The following AFF1 variants were observed in gnomAD, a reference collection of about 807,000 sequenced individuals.
The protein encoded by AFF1 is AF4/FMR2 family member 1.
A neutral mutation model predicts 121.7 loss-of-function variants in AFF1; 48 were observed. The observed-to-expected ratio is 0.39, with a 90% CI of 0.31 to 0.50. AFF1 has a LOEUF of 0.50. Ranked by LOEUF, AFF1 falls within the 20% of genes least tolerant of loss-of-function variation. The pLI is 0.76. For missense variants in AFF1, 1,523 were observed against 1,511.7 expected (o/e 1.01, Z -0.12); for synonymous variants, 613 against 563.0 (o/e 1.09, Z -1.26).
chr4:87,100,676 A>G (rs1238506661), intron 8 of AFF1, among the ~76,000 whole-genome samples: 2 of 152,212 alleles, frequency 1.3e-5, no homozygotes, highest in Non-Finnish European at 2.9e-5. Context: ...TGCCTGGCAC[A>G]TAGTAAGTGC....
chr4:87,127,138 T>C (rs1252975715), intron 15 of AFF1, 21 bp downstream of exon 15: 2 of 1,589,614 alleles, frequency 1.3e-6, no homozygotes, highest in South Asian at 1.1e-5. Context: ...AGATGATTTC[T>C]TCTTGCTCTG....
At chr4:86,984,298 A>G (rs900019134) in intron 2 of AFF1, among the ~76,000 whole-genome samples, 2 of 139,814 alleles carry the variant, frequency 1.4e-5, no homozygotes, top group African/African-American at 2.6e-5. Flanking sequence ...ATTTCAAGTG[A>G]CCCTTTTTTT....
chr4:86,989,674 G>A (rs1421962921), intron 2 of AFF1, among the ~76,000 whole-genome samples: 1 of 152,154 alleles, frequency 6.6e-6, no homozygotes, highest in East Asian at 1.9e-4. Context: ...CCCATTACTT[G>A]GGTATATACC....
chr4:87,128,565 A>G (rs1297209468), intron 16 of AFF1, among the ~76,000 whole-genome samples: 8 of 152,144 alleles, frequency 5.3e-5, no homozygotes, highest in African/African-American at 1.9e-4. Flanking sequence ...TTTTTGGTTC[A>G]CATGCAAACC....
intron 2 of AFF1, among the ~76,000 whole-genome samples, chr4:87,038,138 A>G (rs917266023): frequency 6.6e-6 from 1 of 152,246 alleles, no homozygotes; most frequent in Non-Finnish European, 1.5e-5. Context: ...TATTTTTAAT[A>G]TGAAATCAGA....
At chr4:87,107,953 A>G (rs2149751002) in intron 10 of AFF1, among the ~76,000 whole-genome samples, 1 of 152,278 alleles carries the variant, frequency 6.6e-6, no homozygotes, top group East Asian at 1.9e-4. Context: ...CTTCTCTTTT[A>G]TGCATTTATC....
chr4:86,995,625 C>T (rs1413366210), intron 2 of AFF1, among the ~76,000 whole-genome samples: 8 of 149,758 alleles, frequency 5.3e-5, no homozygotes, highest in Non-Finnish European at 1.0e-4. Flanking sequence ...TCAATGGTGC[C>T]CAGGCTGGAG....
intron 4 of AFF1, among the ~76,000 whole-genome samples, chr4:87,073,851 A>C (rs1205102115): frequency 6.6e-6 from 1 of 150,762 alleles, no homozygotes; most frequent in East Asian, 1.9e-4. Flanking sequence ...TTTGACAGAG[A>C]GCAGAAATAC....
chr4:86,976,648 A>G (rs181036136), intron 2 of AFF1, among the ~76,000 whole-genome samples: 3 of 152,306 alleles, frequency 2.0e-5, no homozygotes, highest in Non-Finnish European at 2.9e-5. Context: ...AAAATGACCT[A>G]ACATGTACTA....
At chr4:87,081,065 G>A (rs1723114449) in intron 4 of AFF1, among the ~76,000 whole-genome samples, 2 of 150,886 alleles carry the variant, frequency 1.3e-5, no homozygotes, top group Admixed American at 1.3e-4. Flanking sequence ...TAAAGCAAAT[G>A]TAAAATGCTA....
chr4:86,965,612 A>G (rs1722481295), intron 2 of AFF1, among the ~76,000 whole-genome samples: 4 of 152,214 alleles, frequency 2.6e-5, no homozygotes, highest in Admixed American at 2.6e-4. Context: ...GGCTCACAGA[A>G]AAAAAATAAT....
intron 2 of AFF1, among the ~76,000 whole-genome samples, chr4:87,022,586 ATCTATATCTATCTGTGTG>A (rs1199322575): frequency 1.1e-5 from 1 of 91,546 alleles, no homozygotes; most frequent in African/African-American, 5.8e-5. Flanking sequence ...ATATATATCT[ATCTATATCTATCTGTGTG>A]TATATATATC....
At chr4:87,069,419 C>G (rs1721744604) in intron 4 of AFF1, among the ~76,000 whole-genome samples, 1 of 149,428 alleles carries the variant, frequency 6.7e-6, no homozygotes, top group Non-Finnish European at 1.5e-5. Context: ...CTCCCTCCCT[C>G]CCTCTCCCCT....
At chr4:86,981,227 TG>T (rs1482667096) in intron 2 of AFF1, among the ~76,000 whole-genome samples, 2 of 152,090 alleles carry the variant, frequency 1.3e-5, no homozygotes, top group Admixed American at 1.3e-4. Flanking sequence ...TTAGCCAGGA[TG>T]GTCTCGATCT....
intron 4 of AFF1, among the ~76,000 whole-genome samples, chr4:87,068,063 C>G (rs1560593388): frequency 1.1e-5 from 1 of 89,290 alleles, no homozygotes; most frequent in East Asian, 3.2e-4. Flanking sequence ...ACTAAAGTGA[C>G]TGTTATGGGA....
chr4:87,116,350 G>A (rs1205818481), intron 12 of AFF1, among the ~76,000 whole-genome samples: 2 of 151,782 alleles, frequency 1.3e-5, no homozygotes, highest in African/African-American at 2.4e-5. Flanking sequence ...TTGAGTTCCT[G>A]TTCTGTTTGT....
intron 8 of AFF1, 83 bp downstream of exon 8, chr4:87,095,052 T>A (rs1420410610): frequency 2.3e-6 from 3 of 1,306,454 alleles, no homozygotes; most frequent in Admixed American, 1.8e-5. Flanking sequence ...TAGATTTTTC[T>A]GCCTTTATGT....
At chr4:87,017,650 A>C (rs1402441997) in intron 2 of AFF1, among the ~76,000 whole-genome samples, 1 of 152,208 alleles carries the variant, frequency 6.6e-6, no homozygotes. Context: ...TTCAATGTGC[A>C]TTTTAAATAA....
chr4:86,968,114 A>G (rs76743606), intron 2 of AFF1, among the ~76,000 whole-genome samples: 1 of 152,190 alleles, frequency 6.6e-6, no homozygotes, highest in Admixed American at 6.5e-5. Context: ...GGTTCAGAAC[A>G]TCAAATGCTG....
Sources: gnomAD v4.1 joint callset for allele counts (sites outside exome capture counted in the v4.1 genomes callset) on GRCh38, gnomAD v4.1.1 for gene constraint, MANE v1.5 for transcripts, NCBI Gene and HGNC (gene_info 2026-07-23, HGNC 2026-07-21) for gene names.